Variants in TLE3 observed in about 807,000 individuals in gnomAD.
The protein encoded by TLE3 is TLE family member 3, transcriptional corepressor.
A neutral mutation model predicts 93.0 loss-of-function variants in TLE3; 14 were observed. That is an observed-to-expected ratio of 0.15 (90% CI 0.10 to 0.24). The LOEUF (loss-of-function observed/expected upper bound fraction) is 0.24. Among genes scored for constraint, TLE3 ranks in the 10% least tolerant of loss-of-function variants. The probability of loss-of-function intolerance (pLI) is 1.00; values close to 1 mark genes in which losing one functional copy is unlikely to be tolerated. For missense variants in TLE3, 693 were observed against 1,046.6 expected, an observed-to-expected ratio of 0.66 and a Z score of 4.66; for synonymous variants, 451 against 425.0, an observed-to-expected ratio of 1.06 and a Z score of -0.75.
At chr15:70,092,106 G>A (rs1171349554) in intron 4 of TLE3, among the ~76,000 whole-genome samples, 2 of 152,258 alleles carry the variant, frequency 1.3e-5, no homozygotes, top group South Asian at 2.1e-4. Flanking sequence ...TGTGTGTGCC[G>A]ATAAAACACC....
intron 13 of TLE3, 89 bp from the exon 14 acceptor site, chr15:70,056,463 C>G: frequency 8.8e-7 from 1 of 1,141,392 alleles, no homozygotes; most frequent in Non-Finnish European, 1.3e-6. Context: ...GGGGTCCTAC[C>G]TGCACGGCTC....
Position 70,058,322 on chromosome 15 carries a change from C to A in TLE3, c.919-31G>T. ...GAGGGGAGATGCAGAACAAGGGAGG[C>A]CATGAGGCTTCCATTCTCCTAGGAG... On this transcript the variant is annotated intron_variant, in intron 11 of 19. Transcript: ENST00000451782. This position sits in a 1 kb window ranked among gnomAD's most constrained non-coding sequence, Gnocchi z 4.1. The A allele has an allele frequency of 6.4e-7, 1 of 1,564,766 alleles. No individual in the cohort carries two copies. Among genetic ancestry groups the A allele is most frequent in the Non-Finnish European group, 8.7e-7 (1 of 1,153,794 alleles).
intron 3 of TLE3, 145 bp downstream of exon 3, chr15:70,095,433 G>A (rs747120131): frequency 5.3e-6 from 8 of 1,522,974 alleles, no homozygotes; most frequent in African/African-American, 1.4e-5. Flanking sequence ...GGAAGGGGAG[G>A]GCAAGACCAG....
chr15:70,050,202 A>G lies in TLE3; in HGVS notation c.2205T>C (p.Ser735=). The stretch of plus-strand genomic sequence containing the variant: ...AACTCAAGACAGACGAGGATTCTTT[A>G]GACTGGAGGAGGAAGACGAGGAGAA... ...RTPYGASIFQ[S]KESSSVLSCD... Residue 735 remains serine (S), a splice_region_variant and synonymous_variant, in exon 20 of 20, where the codon TCT becomes TCC. Transcript: ENST00000451782. The G allele has an allele frequency of 1.2e-6, 2 of 1,613,128 alleles. No homozygotes were observed. Among genetic ancestry groups the G allele is most frequent in the Admixed American group, 3.3e-5 (2 of 60,018 alleles).
At chr15:70,064,609 G>T in intron 7 of TLE3, 139 bp from the exon 8 acceptor site, 2 of 1,198,652 alleles carry the variant, frequency 1.7e-6, no homozygotes, top group Non-Finnish European at 2.4e-6. Flanking sequence ...TGAGCAGAAG[G>T]CCTGGATTGC....
chr15:70,097,122 T>C lies in TLE3; in HGVS notation c.-324A>G, dbSNP rs954706476. 3 of 432,340 alleles carry C rather than the reference T, an allele frequency of 6.9e-6. No individual in the cohort carries two copies. The highest frequency in any genetic ancestry group is 6.2e-5 in the African/African-American group (3 of 48,330). 26.8% of individuals were successfully genotyped at this position (432,340 alleles called of 1,614,324 possible). A position where few individuals can be genotyped will look rare whatever the true frequency, so the allele number is the denominator to read the frequency against. On this transcript the variant is annotated 5_prime_UTR_variant, in exon 1 of 20. Coordinates refer to ENST00000451782, the MANE Select transcript of TLE3 (RefSeq NM_001105192.3). ...CGTCGAGCGCGTCAATGCCTGGGAC[T>C]GCGCGGACATCGTCGGCTCCCCAGC... is the stretch of plus-strand genomic sequence containing the variant.
intron 1 of TLE3, 107 bp downstream of exon 1, chr15:70,096,668 C>T: frequency 1.3e-6 from 2 of 1,557,890 alleles, no homozygotes; most frequent in Non-Finnish European, 1.7e-6. Context: ...CACACACAAA[C>T]ACACACACCA....
chr15:70,089,299 T>C (rs554926229), intron 4 of TLE3, among the ~76,000 whole-genome samples: 2 of 152,192 alleles, frequency 1.3e-5, no homozygotes, highest in African/African-American at 2.4e-5. Flanking sequence ...CCTCACTGCA[T>C]TGCAATTACT....
chr15:70,054,512 G>A lies in TLE3; in HGVS notation c.1752C>T (p.Asp584=), dbSNP rs114111473. 685 of 1,614,048 alleles carry A rather than the reference G, an allele frequency of 4.2e-4. 2 individuals carry two copies. In the African/African-American group the frequency reaches 6.2e-3, roughly 15 times the overall value. ...PACYALAISP[D]AKVCFSCCSD... ...TGCAGCAGGAGAAGCAGACTTTGGC[G>A]TCAGGGCTAATGGCCAGGGCATAAC... The change falls in exon 16 of 20, where the codon GAC becomes GAT. Residue 584 remains aspartate (D), a synonymous_variant. Transcript: ENST00000451782.
At chr15:70,052,304 G>C (rs892675486) in intron 18 of TLE3, 70 bp downstream of exon 18, 8 of 1,575,734 alleles carry the variant, frequency 5.1e-6, no homozygotes, top group Non-Finnish European at 6.9e-6. Flanking sequence ...CCCCTCTTCT[G>C]TCCTGTTGGG....
At chr15:70,091,600 G>C (rs138346107) in intron 4 of TLE3, among the ~76,000 whole-genome samples, 1 of 152,336 alleles carries the variant, frequency 6.6e-6, no homozygotes, top group African/African-American at 2.4e-5. Context: ...ATTAGGGAGG[G>C]AGGCAGAAGA....
At chr15:70,070,606 T>C (rs2057092689) in intron 6 of TLE3, among the ~76,000 whole-genome samples, 1 of 152,166 alleles carries the variant, frequency 6.6e-6, no homozygotes, top group African/African-American at 2.4e-5. Context: ...CTTCTGGGGT[T>C]GGTAATAGCT....
At chr15:70,056,566 G>T (rs1595873765) in intron 13 of TLE3, among the ~76,000 whole-genome samples, 192 bp from the exon 14 acceptor site, 1 of 152,124 alleles carries the variant, frequency 6.6e-6, no homozygotes, top group East Asian at 1.9e-4. Context: ...GCAGGGAAGG[G>T]GTGACAGTGC....
chr15:70,082,332 G>C (rs539399228), intron 4 of TLE3, among the ~76,000 whole-genome samples: 2 of 151,970 alleles, frequency 1.3e-5, no homozygotes, highest in East Asian at 1.9e-4. Context: ...TCCATGGGGG[G>C]GCCGGGGGAC....
chr15:70,057,764 C>T, intron 12 of TLE3, 106 bp from the exon 13 acceptor site: 1 of 1,386,774 alleles, frequency 7.2e-7, no homozygotes. Flanking sequence ...CTGCCTGCTC[C>T]AGGCAGTCCT....
intron 13 of TLE3, among the ~76,000 whole-genome samples, chr15:70,056,951 G>A (rs1394950852): frequency 6.6e-6 from 1 of 152,138 alleles, no homozygotes; most frequent in Non-Finnish European, 1.5e-5. Flanking sequence ...GTTTCACCAC[G>A]TTGGCTGGCC....
rs143264811 is a variant in TLE3 at position 70,095,146 on chromosome 15, C to A, written c.189+432G>T. ...CTGGGGAAGGAGGGCTTCTGTCCTA[C>A]TCTGGCTAGATCCCAGCTGCAAAGC... On this transcript the variant is annotated intron_variant, in intron 3 of 19. Coordinates refer to ENST00000451782, the MANE Select transcript of TLE3 (RefSeq NM_001105192.3). Among the ~76,000 whole-genome samples, 829 of 152,286 alleles carry A rather than the reference C, an allele frequency of 5.4e-3. 9 individuals are homozygous for A. The highest frequency in any genetic ancestry group is 0.019 in the African/African-American group (804 of 41,570).
rs564159378 is a variant in TLE3, at chr15:70,096,150, A to G, written c.125+11T>C. On this transcript the variant is annotated intron_variant, in intron 2 of 19. Transcript: ENST00000451782. ...CCCCGCCAGCCCCGGGGCGGCCCCCACCGGCCTTACCTGTGATACTGAGCT... is the reference window on the plus strand; with the variant it reads ...CCCCGCCAGCCCCGGGGCGGCCCCCGCCGGCCTTACCTGTGATACTGAGCT... 3 of 1,547,612 alleles carry G rather than the reference A, an allele frequency of 1.9e-6. No individual in the cohort carries two copies. Among genetic ancestry groups the G allele is most frequent in the South Asian group, 1.2e-5 (1 of 84,024 alleles).
At chr15:70,096,502 G>C in intron 1 of TLE3, 1 of 1,210,102 alleles carries the variant, frequency 8.3e-7, no homozygotes, top group African/African-American at 1.5e-5. Flanking sequence ...GCGGGGGCGG[G>C]AGACAAGCCG....
Sources: allele counts gnomAD v4.1 joint callset (sites outside exome capture counted in the v4.1 genomes callset), GRCh38; gene constraint gnomAD v4.1.1; non-coding constraint Gnocchi (gnomAD v3.1); transcripts MANE v1.5; gene names NCBI Gene and HGNC (gene_info 2026-07-23, HGNC 2026-07-21).